Variants in TRAF3 observed in about 807,000 individuals in gnomAD.
TRAF3 encodes the protein TNF receptor-associated factor 3.
In TRAF3, 13 loss-of-function variants were observed where a neutral mutation model predicts 62.3. That is an observed-to-expected ratio of 0.21 (90% CI 0.14 to 0.33). The LOEUF (loss-of-function observed/expected upper bound fraction) is 0.33. Ranked by LOEUF, TRAF3 falls within the 10% of genes least tolerant of loss-of-function variation. The pLI is 1.00. For missense variants in TRAF3, 440 were observed against 741.8 expected, an observed-to-expected ratio of 0.59 and a Z score of 4.73; for synonymous variants, 269 against 283.4, an observed-to-expected ratio of 0.95 and a Z score of 0.51.
intron 1 of TRAF3, among the ~76,000 whole-genome samples, chr14:102,806,747 G>A (rs140012277): frequency 2.0e-5 from 3 of 152,152 alleles, no homozygotes; most frequent in Non-Finnish European, 4.4e-5. Context: ...GGCAGGGCTG[G>A]GGGGAGGTCA....
chr14:102,793,328 T>C (rs1344849469), intron 1 of TRAF3, among the ~76,000 whole-genome samples: 3 of 151,806 alleles, frequency 2.0e-5, no homozygotes, highest in Non-Finnish European at 1.5e-5. Flanking sequence ...TTTTGTTCAT[T>C]TTTTTTGTAC....
At chr14:102,896,449 A>G (rs1890013236) in intron 9 of TRAF3, among the ~76,000 whole-genome samples, 1 of 152,120 alleles carries the variant, frequency 6.6e-6, no homozygotes, top group African/African-American at 2.4e-5. Flanking sequence ...AACATCCTCC[A>G]GGGACTAGTA....
chr14:102,797,723 G>A (rs994248268), intron 1 of TRAF3, among the ~76,000 whole-genome samples: 8 of 149,882 alleles, frequency 5.3e-5, no homozygotes, highest in South Asian at 4.3e-4. Context: ...GAAGGCACTT[G>A]TATTTCTTTT....
At chr14:102,845,442 A>C (rs953416800) in intron 2 of TRAF3, among the ~76,000 whole-genome samples, 3 of 151,552 alleles carry the variant, frequency 2.0e-5, no homozygotes, top group African/African-American at 7.3e-5. Context: ...ACCTCAGGTG[A>C]TCTGCCCACC....
At chr14:102,844,929 G>C (rs557685815) in intron 2 of TRAF3, among the ~76,000 whole-genome samples, 3 of 151,584 alleles carry the variant, frequency 2.0e-5, no homozygotes, top group African/African-American at 7.3e-5. Context: ...ACGGAGTCTC[G>C]CACTGTTGCC....
intron 1 of TRAF3, among the ~76,000 whole-genome samples, chr14:102,793,326 A>AT (rs1011210028): frequency 2.7e-5 from 4 of 149,998 alleles, no homozygotes; most frequent in African/African-American, 4.9e-5. Context: ...AGTTTTGTTC[A>AT]TTTTTTTTGT....
chr14:102,803,264 G>A (rs1898553836), intron 1 of TRAF3, among the ~76,000 whole-genome samples: 2 of 152,176 alleles, frequency 1.3e-5, no homozygotes, highest in African/African-American at 2.4e-5. Flanking sequence ...GTTCCTTAGA[G>A]TTACAGTCTT....
In TRAF3 at chr14:102,897,295, A is replaced by G. The variant is rs763981024; in HGVS notation, c.854A>G (p.Asn285Ser). 1.9e-6 allele frequency: 3 copies of G among 1,613,804 alleles called. No homozygotes were observed. Among genetic ancestry groups the G allele is most frequent in the East Asian group, 2.2e-5 (1 of 44,870 alleles). The change falls in exon 10 of 12, where the codon AAC (asparagine) becomes AGC (serine). Residue 285 changes from asparagine to serine, a missense_variant. Physicochemically the swap from Asn to Ser is conservative, Grantham distance 46. Transcript: ENST00000392745. ...SLLQNESVEK[N>S]KSIQSLHNQI... is the part of the protein sequence containing the mutation. Reference sequence around the variant, plus strand: ...TTGCAGAATGAAAGTGTAGAAAAAAACAAGAGCATACAAAGTTTGCACAAT... The same window carrying G: ...TTGCAGAATGAAAGTGTAGAAAAAAGCAAGAGCATACAAAGTTTGCACAAT...
intron 2 of TRAF3, among the ~76,000 whole-genome samples, chr14:102,847,622 T>G (rs1886800632): frequency 6.6e-6 from 1 of 152,236 alleles, no homozygotes; most frequent in Non-Finnish European, 1.5e-5. Flanking sequence ...AGTCCTTCCT[T>G]CCTGATCAAG....
At chr14:102,900,205 A>AAAACC (rs1443635739) in intron 10 of TRAF3, among the ~76,000 whole-genome samples, 2 of 135,498 alleles carry the variant, frequency 1.5e-5, no homozygotes, top group African/African-American at 6.2e-5. Context: ...AAAAAAAAAG[A>AAAACC]CAGCCTAGGC....
At chr14:102,850,646 C>T (rs1306211664) in intron 2 of TRAF3, among the ~76,000 whole-genome samples, 5 of 143,718 alleles carry the variant, frequency 3.5e-5, no homozygotes, top group Admixed American at 7.3e-5. Context: ...ACCAAGATTG[C>T]GCCACTGCAC....
intron 2 of TRAF3, among the ~76,000 whole-genome samples, chr14:102,853,620 A>C (rs1887180376): frequency 1.3e-5 from 2 of 152,012 alleles, no homozygotes; most frequent in Admixed American, 1.3e-4. Context: ...AGATCACCTG[A>C]GGTCAAGAGT....
intron 1 of TRAF3, among the ~76,000 whole-genome samples, chr14:102,778,512 G>A (rs940603277): frequency 1.3e-5 from 2 of 152,208 alleles, no homozygotes; most frequent in Admixed American, 1.3e-4. Context: ...CTGTTGACGG[G>A]ACCAGTTGTA....
intron 1 of TRAF3, among the ~76,000 whole-genome samples, chr14:102,800,907 G>A (rs1170525480): frequency 2.0e-5 from 3 of 151,660 alleles, no homozygotes; most frequent in East Asian, 1.9e-4. Context: ...GGCCGGGCGC[G>A]GTGGCTCACA....
chr14:102,836,174 A>G (rs547612446), intron 2 of TRAF3, among the ~76,000 whole-genome samples: 1 of 152,350 alleles, frequency 6.6e-6, no homozygotes, highest in East Asian at 1.9e-4. Flanking sequence ...TGCACACAGC[A>G]CAGGAGGCTG....
chr14:102,863,365 G>C (rs1211655382), intron 2 of TRAF3, among the ~76,000 whole-genome samples: 22 of 152,176 alleles, frequency 1.4e-4, no homozygotes, highest in Admixed American at 1.4e-3. Context: ...TGAGTTCTCT[G>C]TTCCATTAAT....
chr14:102,878,523 T>C (rs994557552), intron 6 of TRAF3, among the ~76,000 whole-genome samples: 2 of 152,106 alleles, frequency 1.3e-5, no homozygotes, highest in Admixed American at 1.3e-4. Flanking sequence ...CAAACACCTA[T>C]TGGGTACCTA....
At chr14:102,854,392 C>T (rs1328667838) in intron 2 of TRAF3, among the ~76,000 whole-genome samples, 2 of 152,202 alleles carry the variant, frequency 1.3e-5, no homozygotes, top group Non-Finnish European at 2.9e-5. Context: ...ATTTTACATT[C>T]CTGTCAACAA....
intron 1 of TRAF3, among the ~76,000 whole-genome samples, chr14:102,786,135 T>C (rs574099614): frequency 6.6e-6 from 1 of 152,320 alleles, no homozygotes; most frequent in African/African-American, 2.4e-5. Context: ...AATTCTGGTC[T>C]GTCCTTCAGC....
Sources: gnomAD v4.1 joint callset for allele counts (sites outside exome capture counted in the v4.1 genomes callset) on GRCh38, gnomAD v4.1.1 for gene constraint, MANE v1.5 for transcripts, NCBI Gene and HGNC (gene_info 2026-07-23, HGNC 2026-07-21) for gene names.